MYO7A: variants seen among roughly 807,000 people sequenced by gnomAD.
The protein encoded by MYO7A is unconventional myosin-VIIa.
A neutral mutation model predicts 263.8 loss-of-function variants in MYO7A; 210 were observed. That is an observed-to-expected ratio of 0.80 (90% CI 0.71 to 0.89). The LOEUF (loss-of-function observed/expected upper bound fraction) is 0.89. Among genes scored for constraint, MYO7A ranks in the 40% least tolerant of loss-of-function variants. The pLI is 0.00. For missense variants in MYO7A, 2,820 were observed against 2,968.3 expected, an observed-to-expected ratio of 0.95 and a Z score of 1.16; for synonymous variants, 1,239 against 1,197.3, an observed-to-expected ratio of 1.03 and a Z score of -0.72.
chr11:77,184,484 T>A, intron 26 of MYO7A, 104 bp from the exon 27 acceptor site: 1 of 973,454 alleles, frequency 1.0e-6, no homozygotes, highest in Non-Finnish European at 1.6e-6. Context: ...TGCTCACTCC[T>A]TAGATTCTGT....
chr11:77,200,568 CAG>C (rs930615941), intron 35 of MYO7A, among the ~76,000 whole-genome samples: 1 of 152,228 alleles, frequency 6.6e-6, no homozygotes, highest in African/African-American at 2.4e-5. Context: ...CAAGTTTCAA[CAG>C]AGAGATTTGG....
chr11:77,161,889 C>T (rs1054252212), intron 12 of MYO7A, among the ~76,000 whole-genome samples: 3 of 152,164 alleles, frequency 2.0e-5, no homozygotes, highest in Admixed American at 2.0e-4. Context: ...CCTTAGCTCT[C>T]CTTCTGGCTC....
chr11:77,193,924 A>T (rs1003128198), intron 31 of MYO7A: 4 of 441,160 alleles, frequency 9.1e-6, no homozygotes, highest in African/African-American at 2.0e-5. Flanking sequence ...AGTCACAGTG[A>T]TGCACTTCCC....
At chr11:77,167,126 T>C (rs1174011421) in intron 15 of MYO7A, among the ~76,000 whole-genome samples, 1 of 151,906 alleles carries the variant, frequency 6.6e-6, no homozygotes, top group Non-Finnish European at 1.5e-5. Context: ...TTGGAGTGTG[T>C]TTTTGTGTGG....
In MYO7A at chr11:77,199,661, G is replaced by C; in HGVS notation, c.4695G>C (p.Thr1565=). 1 of 1,612,956 alleles carries C rather than the reference G, an allele frequency of 6.2e-7. No individual in the cohort carries two copies. Among genetic ancestry groups the C allele is most frequent in the Non-Finnish European group, 8.5e-7 (1 of 1,179,730 alleles). ...GTTGGTCCTGCAGGGGAGCGAAAACGACGGCCCCCAGCTTCACGCTGGCCA... is the reference window on the plus strand; with the variant it reads ...GTTGGTCCTGCAGGGGAGCGAAAACCACGGCCCCCAGCTTCACGCTGGCCA... ...SPCWSCRGAK[T]TAPSFTLATI... The change falls in exon 35 of 49, where the codon ACG becomes ACC. Residue 1565 remains threonine (T), a synonymous_variant. Transcript: ENST00000409709.
intron 31 of MYO7A, among the ~76,000 whole-genome samples, chr11:77,193,370 GTGT>G (rs1437898871): frequency 8.8e-4 from 125 of 141,834 alleles, no homozygotes; most frequent in African/African-American, 3.0e-3. Context: ...GACAATGACA[GTGT>G]TGTTGGTAAT....
chr11:77,158,885 C>T (rs1199921465), intron 9 of MYO7A, among the ~76,000 whole-genome samples: 1 of 152,146 alleles, frequency 6.6e-6, no homozygotes, highest in African/African-American at 2.4e-5. Context: ...GAGGTGATCC[C>T]CTGAGGCAGG....
chr11:77,150,077 G>A (rs1951858600), intron 4 of MYO7A, among the ~76,000 whole-genome samples: 1 of 152,206 alleles, frequency 6.6e-6, no homozygotes, highest in Non-Finnish European at 1.5e-5. Context: ...CTGTCCACCT[G>A]CCTGCAGGGT....
chr11:77,161,169 A>G, intron 12 of MYO7A, 54 bp downstream of exon 12: 2 of 1,605,768 alleles, frequency 1.2e-6, no homozygotes, highest in Non-Finnish European at 1.7e-6. Flanking sequence ...TGGAAATAAG[A>G]AATATCACGT....
At chr11:77,157,034 A>G in intron 7 of MYO7A, 30 bp downstream of exon 7, 1 of 1,606,088 alleles carries the variant, frequency 6.2e-7, no homozygotes, top group South Asian at 1.1e-5. Context: ...ATGCAGGAAT[A>G]GACCCAGGCC....
chr11:77,181,636 G>A (rs1555084400), intron 23 of MYO7A, 47 bp downstream of exon 23: 2 of 1,561,340 alleles, frequency 1.3e-6, no homozygotes, highest in Non-Finnish European at 1.8e-6. Context: ...CACACCGCTT[G>A]TGTTGATCCT....
intron 2 of MYO7A, among the ~76,000 whole-genome samples, chr11:77,140,137 T>A (rs1278087673): frequency 6.6e-6 from 1 of 152,170 alleles, no homozygotes; most frequent in African/African-American, 2.4e-5. Context: ...GTTTTTTTTA[T>A]TTTGGTTATT....
chr11:77,148,084 AGCTGGACCCCGGGGCCCCT>A (rs1951713401), intron 4 of MYO7A, 134 bp downstream of exon 4: 1 of 841,900 alleles, frequency 1.2e-6, no homozygotes, highest in East Asian at 3.1e-5. Context: ...TCCGCTGTGC[AGCTGGACCCCGGGGCCCCT>A]GCTGGGGCCC....
chr11:77,198,692 A>G, intron 34 of MYO7A, 71 bp downstream of exon 34: 2 of 1,596,934 alleles, frequency 1.3e-6, no homozygotes, highest in East Asian at 2.3e-5. Flanking sequence ...CCTGCGGGTC[A>G]CAGGAAGTGA....
intron 9 of MYO7A, 140 bp from the exon 10 acceptor site, chr11:77,159,307 T>G (rs1952769148): frequency 1.4e-6 from 1 of 695,120 alleles, no homozygotes; most frequent in African/African-American, 1.7e-5. Flanking sequence ...TGGGGAAGCA[T>G]TTAGTCACAA....
intron 3 of MYO7A, among the ~76,000 whole-genome samples, chr11:77,143,182 C>T (rs782297973): frequency 1.1e-4 from 17 of 152,178 alleles, no homozygotes; most frequent in Non-Finnish European, 1.8e-4. Flanking sequence ...TTGTTAGCTG[C>T]GCAAACTTGG....
intron 7 of MYO7A, 69 bp from the exon 8 acceptor site, chr11:77,157,210 C>A: frequency 1.4e-6 from 2 of 1,400,772 alleles, no homozygotes; most frequent in South Asian, 2.4e-5. Flanking sequence ...ACCATCATCC[C>A]AGGCTAGTTC....
chr11:77,189,879 T>G (rs1591411876), intron 28 of MYO7A, 141 bp from the exon 29 acceptor site: 3 of 1,341,664 alleles, frequency 2.2e-6, no homozygotes, highest in Non-Finnish European at 3.0e-6. Context: ...AAATAGATGG[T>G]GGAGCTGAGA....
At chr11:77,197,907 G>A (rs190756042) in intron 33 of MYO7A, among the ~76,000 whole-genome samples, 16 of 151,870 alleles carry the variant, frequency 1.1e-4, no homozygotes, top group Admixed American at 5.9e-4. Context: ...CCCAACACCC[G>A]GTAGCGACTC....
Sources: gnomAD v4.1 joint callset for allele counts (sites outside exome capture counted in the v4.1 genomes callset) on GRCh38, gnomAD v4.1.1 for gene constraint, MANE v1.5 for transcripts, NCBI Gene and HGNC (gene_info 2026-07-23, HGNC 2026-07-21) for gene names.